The following PCDH9 variants were observed in gnomAD, a reference collection of about 807,000 sequenced individuals.
PCDH9 encodes the protein protocadherin-9.
PCDH9 carries 24 observed loss-of-function variants against 70.6 expected under a neutral mutation model. The ratio of observed to expected loss-of-function variants is 0.34; its 90% CI spans 0.25 to 0.48. The LOEUF (loss-of-function observed/expected upper bound fraction) is 0.48, where lower values mean the gene tolerates loss of function less well. Among genes scored for constraint, PCDH9 ranks in the 20% least tolerant of loss-of-function variants. PCDH9 has a pLI of 0.99. For synonymous variants in PCDH9, 562 were observed against 558.5 expected (o/e 1.01, Z -0.09); for missense variants, 1,281 against 1,503.6 (o/e 0.85, Z 2.45).
At chr13:66,727,253 C>T (rs2079017631) in intron 3 of PCDH9, among the ~76,000 whole-genome samples, 1 of 151,870 alleles carries the variant, frequency 6.6e-6, no homozygotes, top group South Asian at 2.1e-4. Context: ...AGAGTGAGCT[C>T]CTGTCTCAAA....
chr13:66,352,176 T>A (rs1180292186), intron 4 of PCDH9, among the ~76,000 whole-genome samples: 1 of 152,194 alleles, frequency 6.6e-6, no homozygotes, highest in African/African-American at 2.4e-5. Flanking sequence ...TCCTCAAAAC[T>A]ATCATCAGTG....
intron 2 of PCDH9, among the ~76,000 whole-genome samples, chr13:66,957,593 G>A (rs1222074603): frequency 2.6e-5 from 4 of 152,100 alleles, no homozygotes; most frequent in Non-Finnish European, 5.9e-5. Context: ...GCCTTTGGGA[G>A]ATAATTAGGT....
Position 66,849,511 on chromosome 13 carries a change from T to TAGAGAGAG in PCDH9, c.3138+53992_3138+53993insCTCTCTCT, listed in dbSNP as rs1252511795. 7.9e-3 allele frequency among the ~76,000 whole-genome samples: 647 copies of TAGAGAGAG among 82,012 alleles called. 12 individuals carry two copies. Among genetic ancestry groups the TAGAGAGAG allele is most frequent in the African/African-American group, 0.03 (531 of 17,714 alleles). 53.8% of individuals were successfully genotyped at this position (82,012 alleles called of 152,430 possible). On this transcript the variant is annotated intron_variant, in intron 3 of 4. Coordinates refer to ENST00000377865, the MANE Select transcript of PCDH9 (RefSeq NM_203487.3). ...GTATATATATATATATATATATATA[T>TAGAGAGAG]ATATATAGAGAGAGAGAGAGAGAGA... is the stretch of plus-strand genomic sequence containing the variant.
intron 4 of PCDH9, among the ~76,000 whole-genome samples, chr13:66,549,187 C>T (rs1366793834): frequency 7.9e-5 from 12 of 151,832 alleles, no homozygotes; most frequent in African/African-American, 2.7e-4. Context: ...ATAAATCAAG[C>T]CTATATATAA....
At chr13:66,341,316 A>T (rs1956120168) in intron 4 of PCDH9, among the ~76,000 whole-genome samples, 1 of 150,818 alleles carries the variant, frequency 6.6e-6, no homozygotes, top group Admixed American at 6.6e-5. Flanking sequence ...CTGCTCTCAA[A>T]CTCCTGAGCT....
intron 3 of PCDH9, among the ~76,000 whole-genome samples, chr13:66,887,558 A>G (rs896398676): frequency 2.0e-5 from 3 of 152,242 alleles, no homozygotes; most frequent in Non-Finnish European, 4.4e-5. Flanking sequence ...AACAGCATGC[A>G]CTTGTAACAA....
chr13:66,995,393 G>A (rs923616983), intron 2 of PCDH9, among the ~76,000 whole-genome samples: 4 of 152,112 alleles, frequency 2.6e-5, no homozygotes, highest in Admixed American at 6.5e-5. Context: ...AGGGCAGCAC[G>A]GTCCCCAAAT....
At chr13:66,559,833 T>TATATACACACACACAC (rs777316241) in intron 4 of PCDH9, among the ~76,000 whole-genome samples, 2 of 87,100 alleles carry the variant, frequency 2.3e-5, no homozygotes, top group Non-Finnish European at 4.2e-5. Context: ...TATATATATA[T>TATATACACACACACAC]ACACACACAC....
chr13:66,881,389 G>C (rs762146558), intron 3 of PCDH9, among the ~76,000 whole-genome samples: 1 of 152,148 alleles, frequency 6.6e-6, no homozygotes, highest in Non-Finnish European at 1.5e-5. Flanking sequence ...CAAAGACAGA[G>C]CTTGTGAAGG....
intron 2 of PCDH9, among the ~76,000 whole-genome samples, chr13:66,954,098 C>A (rs1282593150): frequency 3.3e-5 from 5 of 152,130 alleles, no homozygotes. Context: ...TGGGGCTGGG[C>A]AATAACATCT....
At chr13:66,708,642 T>C (rs2146744) in intron 3 of PCDH9, among the ~76,000 whole-genome samples, 51,112 of 152,034 alleles carry the variant, frequency 0.34, 9,052 homozygotes, top group East Asian at 0.51. Context: ...GAGTCATTTT[T>C]CATATCAGAA....
chr13:66,634,261 T>C (rs1239283008), intron 3 of PCDH9, among the ~76,000 whole-genome samples: 1 of 152,174 alleles, frequency 6.6e-6, no homozygotes, highest in Non-Finnish European at 1.5e-5. Flanking sequence ...TGGTGATGTG[T>C]ATGGATTAAG....
At chr13:66,497,967 C>T (rs1209279160) in intron 4 of PCDH9, among the ~76,000 whole-genome samples, 1 of 151,242 alleles carries the variant, frequency 6.6e-6, no homozygotes, top group African/African-American at 2.4e-5. Flanking sequence ...TTACAGACAC[C>T]CACCATGACG....
At chr13:66,794,961 A>T (rs894802826) in intron 3 of PCDH9, among the ~76,000 whole-genome samples, 1 of 108,928 alleles carries the variant, frequency 9.2e-6, no homozygotes, top group Admixed American at 1.3e-4. Context: ...GAACTAACCC[A>T]AACGGACACA....
chr13:67,145,149 A>G (rs905733704), intron 2 of PCDH9, among the ~76,000 whole-genome samples: 7 of 152,086 alleles, frequency 4.6e-5, no homozygotes, highest in Admixed American at 4.6e-4. Context: ...ACACACCATA[A>G]TACAATGCGA....
chr13:67,208,847 A>C (rs1455813711), intron 2 of PCDH9: 1 of 152,184 alleles, frequency 6.6e-6, no homozygotes, highest in Non-Finnish European at 1.5e-5. Flanking sequence ...TTAGAACAGC[A>C]CCATGTTTGC....
intron 3 of PCDH9, among the ~76,000 whole-genome samples, chr13:66,778,655 A>G (rs2079940799): frequency 1.3e-5 from 2 of 152,232 alleles, no homozygotes; most frequent in South Asian, 4.1e-4. Context: ...TGTGCCTGAC[A>G]CTTTGACAAA....
At chr13:66,396,202 G>A (rs1401215985) in intron 4 of PCDH9, among the ~76,000 whole-genome samples, 2 of 152,114 alleles carry the variant, frequency 1.3e-5, no homozygotes, top group African/African-American at 4.8e-5. Context: ...AGTGCTTCTT[G>A]CCTCTCAAGA....
chr13:66,726,509 C>G (rs1198617487), intron 3 of PCDH9, among the ~76,000 whole-genome samples: 1 of 152,014 alleles, frequency 6.6e-6, no homozygotes, highest in African/African-American at 2.4e-5. Context: ...ACACAAGTCC[C>G]TAGAGGCACA....
Sources: allele counts gnomAD v4.1 joint callset (sites outside exome capture counted in the v4.1 genomes callset), GRCh38; gene constraint gnomAD v4.1.1; transcripts MANE v1.5; gene names NCBI Gene and HGNC (gene_info 2026-07-23, HGNC 2026-07-21).